The following DGKB variants were observed in gnomAD, a reference collection of about 807,000 sequenced individuals.
The protein encoded by DGKB is 90 kDa diacylglycerol kinase.
A neutral mutation model predicts 114.3 loss-of-function variants in DGKB; 67 were observed. That is an observed-to-expected ratio of 0.59 (90% CI 0.48 to 0.72). The LOEUF (loss-of-function observed/expected upper bound fraction) is 0.72, where lower values mean the gene tolerates loss of function less well. Ranked by LOEUF, DGKB falls within the 30% of genes least tolerant of loss-of-function variation. The pLI is 0.00. For missense variants in DGKB, 907 were observed against 975.2 expected, an observed-to-expected ratio of 0.93 and a Z score of 0.93; for synonymous variants, 398 against 323.1, an observed-to-expected ratio of 1.23 and a Z score of -2.49.
intron 23 of DGKB, among the ~76,000 whole-genome samples, chr7:14,241,763 T>C (rs143915621): frequency 1.8e-4 from 27 of 152,138 alleles, no homozygotes; most frequent in African/African-American, 6.3e-4. Context: ...AGATACAATA[T>C]GCAAATTATG....
At chr7:14,809,116 T>C (rs1227316790) in intron 2 of DGKB, among the ~76,000 whole-genome samples, 5 of 152,154 alleles carry the variant, frequency 3.3e-5, no homozygotes, top group Non-Finnish European at 7.4e-5. Context: ...AGCTACTGCA[T>C]TATAAAACAA....
At chr7:14,876,973 T>C (rs1853385195) in intron 1 of DGKB, among the ~76,000 whole-genome samples, 1 of 152,248 alleles carries the variant, frequency 6.6e-6, no homozygotes. Context: ...ACCATGCCTG[T>C]GATTTCAATA....
chr7:14,569,217 T>C (rs1233850126), intron 20 of DGKB, among the ~76,000 whole-genome samples: 1 of 152,150 alleles, frequency 6.6e-6, no homozygotes, highest in Admixed American at 6.5e-5. Flanking sequence ...AATAAATCTT[T>C]CAGGGAGGAA....
At chr7:14,704,475 A>T (rs1825816740) in intron 6 of DGKB, among the ~76,000 whole-genome samples, 1 of 151,382 alleles carries the variant, frequency 6.6e-6, no homozygotes, top group African/African-American at 2.4e-5. Context: ...GAAAAAAGAA[A>T]AAAAGGGGGA....
intron 5 of DGKB, among the ~76,000 whole-genome samples, chr7:14,721,946 T>C (rs1453358712): frequency 6.6e-6 from 1 of 152,210 alleles, no homozygotes; most frequent in African/African-American, 2.4e-5. Flanking sequence ...TCCTTCATTT[T>C]CTTCACTCAA....
At chr7:14,341,224 T>C (rs986449787) in intron 22 of DGKB, among the ~76,000 whole-genome samples, 3 of 151,776 alleles carry the variant, frequency 2.0e-5, no homozygotes, top group African/African-American at 7.2e-5. Flanking sequence ...CTTAAATAAA[T>C]TGCTATTTAT....
At chr7:14,449,748 T>C (rs1831210455) in intron 21 of DGKB, among the ~76,000 whole-genome samples, 1 of 152,050 alleles carries the variant, frequency 6.6e-6, no homozygotes, top group Admixed American at 6.6e-5. Flanking sequence ...TTTAGAGTAG[T>C]AGTATATTCT....
At chr7:14,883,887 G>A (rs956192574) in intron 1 of DGKB, among the ~76,000 whole-genome samples, 7 of 151,814 alleles carry the variant, frequency 4.6e-5, no homozygotes, top group African/African-American at 1.7e-4. Flanking sequence ...ACAAACAAGT[G>A]GATTAGTAGA....
At chr7:14,266,485 A>G (rs1237537631) in intron 23 of DGKB, among the ~76,000 whole-genome samples, 1 of 152,228 alleles carries the variant, frequency 6.6e-6, no homozygotes, top group African/African-American at 2.4e-5. Flanking sequence ...ACTAATTCTT[A>G]GAAGAGCATC....
chr7:14,721,230 A>G (rs1829113500), intron 5 of DGKB, among the ~76,000 whole-genome samples: 1 of 152,248 alleles, frequency 6.6e-6, no homozygotes, highest in Non-Finnish European at 1.5e-5. Context: ...TGGCATGACC[A>G]TTTGTACTTA....
intron 21 of DGKB, among the ~76,000 whole-genome samples, chr7:14,378,466 T>C (rs1443432825): frequency 2.6e-5 from 4 of 152,242 alleles, no homozygotes; most frequent in African/African-American, 9.6e-5. Flanking sequence ...AACATCTTTG[T>C]AAACTTTCTG....
chr7:14,582,724 A>G (rs990984235), intron 18 of DGKB, among the ~76,000 whole-genome samples: 1 of 152,164 alleles, frequency 6.6e-6, no homozygotes, highest in African/African-American at 2.4e-5. Context: ...CACAGACTTT[A>G]TCACAAATAC....
At chr7:14,229,737 T>G (rs938842127) in intron 23 of DGKB, among the ~76,000 whole-genome samples, 3 of 151,962 alleles carry the variant, frequency 2.0e-5, no homozygotes, top group African/African-American at 7.2e-5. Flanking sequence ...CCATCCTTCA[T>G]TCCCAAGAAA....
intron 1 of DGKB, among the ~76,000 whole-genome samples, chr7:14,931,788 C>A (rs1372469532): frequency 6.6e-6 from 1 of 151,892 alleles, no homozygotes; most frequent in African/African-American, 2.4e-5. Flanking sequence ...CACCACCTGG[C>A]TCAAGACTAA....
intron 23 of DGKB, among the ~76,000 whole-genome samples, chr7:14,271,918 C>G (rs1172003771): frequency 6.6e-6 from 1 of 152,142 alleles, no homozygotes; most frequent in South Asian, 2.1e-4. Context: ...AGGATAAAGA[C>G]AGTAAAACTG....
At chr7:14,756,136 T>G (rs1283234231) in intron 3 of DGKB, among the ~76,000 whole-genome samples, 1 of 152,068 alleles carries the variant, frequency 6.6e-6, no homozygotes, top group African/African-American at 2.4e-5. Context: ...ACAAGATCAC[T>G]TAACTGAGTT....
intron 2 of DGKB, among the ~76,000 whole-genome samples, chr7:14,835,278 T>C (rs1846992460): frequency 1.3e-5 from 2 of 152,304 alleles, no homozygotes; most frequent in African/African-American, 4.8e-5. Context: ...ATTTTAAAAG[T>C]CCACATTTCA....
intron 17 of DGKB, among the ~76,000 whole-genome samples, chr7:14,596,625 C>A (rs1357869): frequency 0.48 from 72,844 of 151,910 alleles, 17,635 homozygotes; most frequent in Middle Eastern, 0.51. Flanking sequence ...TTAGTCAGAT[C>A]CTAAAATGCT....
chr7:14,682,720 A>C (rs74354134), intron 11 of DGKB, 33 bp downstream of exon 11: 26,640 of 1,606,954 alleles, frequency 0.017, 1,071 homozygotes, highest in Admixed American at 0.12. Flanking sequence ...CATAATGGCC[A>C]CCTTCAGAAA....
Sources: allele counts gnomAD v4.1 joint callset (sites outside exome capture counted in the v4.1 genomes callset), GRCh38; gene constraint gnomAD v4.1.1; transcripts MANE v1.5; gene names NCBI Gene and HGNC (gene_info 2026-07-23, HGNC 2026-07-21).